CHRM4: variants seen among roughly 807,000 people sequenced by gnomAD.
CHRM4 encodes muscarinic acetylcholine receptor M4.
Under a neutral mutation model 26.3 loss-of-function variants are expected in CHRM4, and 5 were observed. The ratio of observed to expected loss-of-function variants is 0.19; its 90% confidence interval spans 0.10 to 0.40. The LOEUF is 0.40. CHRM4 is among the 10% of genes least tolerant of loss of function. The probability of loss-of-function intolerance (pLI) is 1.00; values close to 1 mark genes in which losing one functional copy is unlikely to be tolerated. For missense variants in CHRM4, 402 were observed against 664.5 expected (o/e 0.60, Z 4.34); for synonymous variants, 290 against 285.3 (o/e 1.02, Z -0.16).
At position 46,383,931 on chromosome 11, in the gene CHRM4, G is replaced by A. The variant is rs147620858; in HGVS notation, c.*1187C>T. On this transcript the variant is annotated 3_prime_UTR_variant, in exon 2 of 2. Coordinates refer to ENST00000682254, the MANE Select transcript of CHRM4 (RefSeq NM_000741.5). Reference sequence around the variant, plus strand: ...CTGGTGGGTTTCAGGGGGCTTGGTGGTGGGTGCTCTCCAGAGCTCATGGAA... The same window carrying A: ...CTGGTGGGTTTCAGGGGGCTTGGTGATGGGTGCTCTCCAGAGCTCATGGAA... 3,028 of 314,328 alleles carry A rather than the reference G, an allele frequency of 9.6e-3. 22 individuals are homozygous for A. Among genetic ancestry groups the A allele is most frequent in the Non-Finnish European group, 0.014 (2,218 of 160,876 alleles). 19.5% of individuals were successfully genotyped at this position (314,328 alleles called of 1,614,324 possible).
chr11:46,387,972 G>T (rs909462718), intron 1 of CHRM4, among the ~76,000 whole-genome samples: 53 of 152,292 alleles, frequency 3.5e-4, no homozygotes, highest in African/African-American at 1.3e-3. Context: ...CGGCGCCCTA[G>T]CTGGAGTCCC....
In CHRM4 at chr11:46,384,865, C is replaced by T. The variant is rs528608198; in HGVS notation, c.*253G>A. On this transcript the variant is annotated 3_prime_UTR_variant, in exon 2 of 2. Transcript: ENST00000682254. ...GGGCAGGTGCCCACCCAGGCCAGTG[C>T]CCCGCAGCTCGCTGAAGCAGGGCCA... 6.6e-6 allele frequency among the ~76,000 whole-genome samples: 1 copy of T among 152,376 alleles called. No individual in the cohort carries two copies. Among genetic ancestry groups the T allele is most frequent in the Non-Finnish European group, 1.5e-5 (1 of 68,034 alleles).
In CHRM4 at chr11:46,391,389, G is replaced by C. The variant is rs1945390932; in HGVS notation, c.-30+142C>G. On this transcript the variant is annotated intron_variant, in intron 1 of 1. Coordinates refer to ENST00000682254, the MANE Select transcript of CHRM4 (RefSeq NM_000741.5). This position sits in a 1 kb window ranked among gnomAD's most constrained non-coding sequence, Gnocchi z 6.3. ...ATCCTGGATGCCCACCCCTTCCCAC[G>C]GGCGCACCCGGGCGCACCTGGAGAA... Among the ~76,000 whole-genome samples the C allele has an allele frequency of 6.6e-6, 1 of 150,786 alleles. No homozygotes were observed. The highest frequency in any genetic ancestry group is 1.5e-5 in the Non-Finnish European group (1 of 67,672).
chr11:46,390,390 C>T (rs1257761983), intron 1 of CHRM4, among the ~76,000 whole-genome samples: 1 of 152,236 alleles, frequency 6.6e-6, no homozygotes, highest in African/African-American at 2.4e-5. Flanking sequence ...CCCAACCTGG[C>T]CTTGAGGGAC....
At position 46,384,952 on chromosome 11, in the gene CHRM4, C is replaced by CCTCT; in HGVS notation, c.*165_*166insAGAG. ...CTGGGGTGAGCCTCCTCAGCCTGAGCAGAGATCTGGTCTCTGAATGCAGCC... is the reference window on the plus strand; with the variant it reads ...CTGGGGTGAGCCTCCTCAGCCTGAGCCTCTAGAGATCTGGTCTCTGAATGCAGCC... On this transcript the variant is annotated 3_prime_UTR_variant, in exon 2 of 2. Coordinates refer to ENST00000682254, the MANE Select transcript of CHRM4 (RefSeq NM_000741.5). 8.8e-7 allele frequency: 1 copy of CCTCT among 1,134,902 alleles called. No homozygotes were observed. The highest frequency in any genetic ancestry group is 1.2e-6 in the Non-Finnish European group (1 of 825,714). The allele number at this position is 1,134,902 out of a possible 1,614,324, so 70.3% of individuals were successfully genotyped here. A position where few individuals can be genotyped will look rare whatever the true frequency, so the allele number is the denominator to read the frequency against.
Position 46,383,923 on chromosome 11 carries a change from G to T in CHRM4, c.*1195C>A. ...TGTAGGGACTGGTGGGTTTCAGGGGGCTTGGTGGTGGGTGCTCTCCAGAGC... is the reference window on the plus strand; with the variant it reads ...TGTAGGGACTGGTGGGTTTCAGGGGTCTTGGTGGTGGGTGCTCTCCAGAGC... On this transcript the variant is annotated 3_prime_UTR_variant, in exon 2 of 2. Transcript: ENST00000682254. 3.1e-6 allele frequency: 1 copy of T among 317,498 alleles called. No individual in the cohort carries two copies. Among genetic ancestry groups the T allele is most frequent in the Non-Finnish European group, 6.2e-6 (1 of 162,466 alleles). The allele number at this position is 317,498 out of a possible 1,614,324, so 19.7% of individuals were successfully genotyped here. A position where few individuals can be genotyped will look rare whatever the true frequency, so the allele number is the denominator to read the frequency against.
At chr11:46,388,525 C>A (rs1251663262) in intron 1 of CHRM4, among the ~76,000 whole-genome samples, 1 of 152,242 alleles carries the variant, frequency 6.6e-6, no homozygotes, top group Non-Finnish European at 1.5e-5. Flanking sequence ...ACAGACCCAG[C>A]CTCCTAGCCT....
Position 46,385,891 on chromosome 11 carries a change from G to A in CHRM4, c.667C>T (p.Arg223Cys), listed in dbSNP as rs573081535. The stretch of plus-strand genomic sequence containing the variant: ...GGCCGGTGCTTGTGGACTCGGCTGC[G>A]ACTGGCCAGGGAGATGTGGATGTAC... ...VLYIHISLAS[R>C]SRVHKHRPEG... The change falls in exon 2 of 2, where the codon CGC becomes TGC. Residue 223 changes from arginine to cysteine, a missense_variant. Transcript: ENST00000682254. The surrounding 1 kb of genome is among the most constrained non-coding windows in gnomAD (Gnocchi z 6.3). 1.9e-6 allele frequency: 3 copies of A among 1,611,018 alleles called. No individual in the cohort carries two copies. The highest frequency in any genetic ancestry group is 1.1e-5 in the South Asian group (1 of 90,714).
rs1450982604 is a variant in CHRM4 at position 46,386,599 on chromosome 11, G to A, written c.-29-13C>T. 2.5e-6 allele frequency: 4 copies of A among 1,592,752 alleles called. No homozygotes were observed. Among genetic ancestry groups the A allele is most frequent in the Non-Finnish European group, 3.4e-6 (4 of 1,166,654 alleles). ...GGGTAGGCCGTGTCTGGGGAGGAAG[G>A]GGAGAGAAAAGCATGAACTACAGGA... On this transcript the variant is annotated splice_polypyrimidine_tract_variant and intron_variant, in intron 1 of 1. Coordinates refer to ENST00000682254, the MANE Select transcript of CHRM4 (RefSeq NM_000741.5). This position sits in a 1 kb window ranked among gnomAD's most constrained non-coding sequence, Gnocchi z 5.8.
chr11:46,385,117 C>T lies in CHRM4; in HGVS notation c.*1G>A, dbSNP rs202049061. ...GCACCTCCTAGGGCACTCCTGCCTGCCTACCTGGCAGTGCCGATGTTCCGA... is the reference window on the plus strand; with the variant it reads ...GCACCTCCTAGGGCACTCCTGCCTGTCTACCTGGCAGTGCCGATGTTCCGA... On this transcript the variant is annotated 3_prime_UTR_variant, in exon 2 of 2. Coordinates refer to ENST00000682254, the MANE Select transcript of CHRM4 (RefSeq NM_000741.5). The surrounding 1 kb of genome is among the most constrained non-coding windows in gnomAD (Gnocchi z 6.3). The T allele has an allele frequency of 8.1e-6, 13 of 1,602,846 alleles. No individual in the cohort carries two copies. The highest frequency in any genetic ancestry group is 1.1e-5 in the Non-Finnish European group (13 of 1,171,342).
In CHRM4 at chr11:46,383,887, A is replaced by G; in HGVS notation, c.*1231T>C. On this transcript the variant is annotated 3_prime_UTR_variant, in exon 2 of 2. Coordinates refer to ENST00000682254, the MANE Select transcript of CHRM4 (RefSeq NM_000741.5). ...TGTTTGGGAGTGGGAAGGTGGGGAG[A>G]AAGACCAGGCTGTAGGGACTGGTGG... is the stretch of plus-strand genomic sequence containing the variant. 1 of 351,962 alleles carries G rather than the reference A, an allele frequency of 2.8e-6. No homozygotes were observed. The highest frequency in any genetic ancestry group is 5.6e-6 in the Non-Finnish European group (1 of 179,928). The allele number at this position is 351,962 out of a possible 1,614,324, so 21.8% of individuals were successfully genotyped here.
intron 1 of CHRM4, among the ~76,000 whole-genome samples, chr11:46,390,503 G>C (rs1475623152): frequency 1.3e-5 from 2 of 152,268 alleles, no homozygotes; most frequent in Admixed American, 1.3e-4. Flanking sequence ...ACAAGGCGGA[G>C]GCCCGGACAG....
Position 46,386,779 on chromosome 11 carries a change from G to A in CHRM4, c.-29-193C>T, listed in dbSNP as rs756940316. The stretch of plus-strand genomic sequence containing the variant: ...CCTACTATGTGGCAAGCATTGCTCA[G>A]GGTGCTGTGGCTACAGAAGTGAATA... On this transcript the variant is annotated intron_variant, in intron 1 of 1. Coordinates refer to ENST00000682254, the MANE Select transcript of CHRM4 (RefSeq NM_000741.5). The surrounding 1 kb of genome is among the most constrained non-coding windows in gnomAD (Gnocchi z 5.8). Among the ~76,000 whole-genome samples, 1 of 152,226 alleles carries A rather than the reference G, an allele frequency of 6.6e-6. No homozygotes were observed. The highest frequency in any genetic ancestry group is 1.5e-5 in the Non-Finnish European group (1 of 68,038).
chr11:46,385,479 A>G lies in CHRM4; in HGVS notation c.1079T>C (p.Val360Ala). ...GCGCATGCCAGCCGGCGTGGCAGGC[A>G]CAATCTCAATGGCTGTCACACACTC... is the stretch of plus-strand genomic sequence containing the variant. ...GNECVTAIEI[V>A]PATPAGMRPA... Residue 360 changes from valine to alanine, a missense_variant, in exon 2 of 2, where the codon GTG becomes GCG. Val to Ala is a moderately conservative substitution (Grantham distance 64). Around this residue, in one of 5 missense-constraint regions of CHRM4, gnomAD observed 205 missense variants for 244.0 expected, o/e 0.84. Coordinates refer to ENST00000682254, the MANE Select transcript of CHRM4 (RefSeq NM_000741.5). This position sits in a 1 kb window ranked among gnomAD's most constrained non-coding sequence, Gnocchi z 6.3. 6.3e-7 allele frequency: 1 copy of G among 1,599,500 alleles called. No individual in the cohort carries two copies. Among genetic ancestry groups the G allele is most frequent in the Non-Finnish European group, 8.6e-7 (1 of 1,168,336 alleles).
At chr11:46,388,400 G>C (rs1945362538) in intron 1 of CHRM4, among the ~76,000 whole-genome samples, 1 of 152,224 alleles carries the variant, frequency 6.6e-6, no homozygotes, top group Admixed American at 6.5e-5. Context: ...TATAGGGATT[G>C]GCACCTAAAC....
At chr11:46,387,831 C>T (rs1031876135) in intron 1 of CHRM4, among the ~76,000 whole-genome samples, 3 of 152,228 alleles carry the variant, frequency 2.0e-5, no homozygotes, top group African/African-American at 7.2e-5. Flanking sequence ...GGAGGCAGTG[C>T]AGGGGTCACT....
intron 1 of CHRM4, among the ~76,000 whole-genome samples, chr11:46,387,080 AGAG>A (rs1283683888): frequency 1.4e-5 from 2 of 143,450 alleles, no homozygotes; most frequent in Non-Finnish European, 3.2e-5. Context: ...CAGGGAAGCA[AGAG>A]GAGGAGGAGA....
At chr11:46,390,885 C>T (rs1012602624) in intron 1 of CHRM4, among the ~76,000 whole-genome samples, 2 of 152,032 alleles carry the variant, frequency 1.3e-5, no homozygotes, top group East Asian at 3.9e-4. Context: ...GGTTCTTGGG[C>T]ATTCACTCCA....
Position 46,383,836 on chromosome 11 carries a change from T to G in CHRM4, c.*1282A>C. ...TTCTTTTTTAATATATAAAAGCCCC[T>G]TCCCAAGGAGTTTGCTGTGGAAATG... On this transcript the variant is annotated 3_prime_UTR_variant, in exon 2 of 2. Transcript: ENST00000682254. 2.6e-6 allele frequency: 1 copy of G among 385,874 alleles called. No homozygotes were observed. The allele number at this position is 385,874 out of a possible 1,614,324, so 23.9% of individuals were successfully genotyped here.
Sources: allele counts gnomAD v4.1 joint callset (sites outside exome capture counted in the v4.1 genomes callset), GRCh38; gene constraint gnomAD v4.1.1; regional missense constraint gnomAD v4.1.1; non-coding constraint Gnocchi (gnomAD v3.1); transcripts MANE v1.5; gene names NCBI Gene and HGNC (gene_info 2026-07-23, HGNC 2026-07-21).